The following WDR93 variants were observed in gnomAD, a reference collection of about 807,000 sequenced individuals.
WDR93 encodes the protein WD repeat-containing protein 93.
Under a neutral mutation model 82.9 loss-of-function variants are expected in WDR93, and 73 were observed. That is an observed-to-expected ratio of 0.88 (90% CI 0.73 to 1.07). The LOEUF (loss-of-function observed/expected upper bound fraction) is 1.07. Ranked by LOEUF, WDR93 falls within the 50% of genes least tolerant of loss-of-function variation. The pLI, the probability that WDR93 is intolerant of heterozygous loss-of-function variation, is 0.00. For synonymous variants in WDR93, 283 were observed against 300.1 expected (o/e 0.94, Z 0.59); for missense variants, 738 against 826.0 (o/e 0.89, Z 1.31).
At chr15:89,698,490 T>C (rs1216116204) in intron 1 of WDR93, among the ~76,000 whole-genome samples, 1 of 152,216 alleles carries the variant, frequency 6.6e-6, no homozygotes, top group East Asian at 1.9e-4. Flanking sequence ...GTCTGTTCCT[T>C]GTTCCCTTTT....
At chr15:89,704,313 A>C (rs1204368917) in intron 3 of WDR93, 1 of 152,150 alleles carries the variant, frequency 6.6e-6, no homozygotes, top group East Asian at 1.9e-4. Flanking sequence ...GGGTGACAGA[A>C]TGAGACTCCA....
chr15:89,692,349 A>G (rs56030351), intron 1 of WDR93, among the ~76,000 whole-genome samples: 26,211 of 152,084 alleles, frequency 0.17, 2,415 homozygotes, highest in Middle Eastern at 0.23. Context: ...CCTTGGCCCC[A>G]TGGGTTACTC....
chr15:89,724,062 C>T (rs974887655), intron 8 of WDR93, among the ~76,000 whole-genome samples: 1 of 151,966 alleles, frequency 6.6e-6, no homozygotes, highest in Non-Finnish European at 1.5e-5. Context: ...AATAGCTGGG[C>T]GTGATGGCGT....
At chr15:89,712,433 A>G (rs1291915910) in intron 5 of WDR93, among the ~76,000 whole-genome samples, 1 of 101,072 alleles carries the variant, frequency 9.9e-6, no homozygotes, top group African/African-American at 4.5e-5. Context: ...CCAAAGTTCA[A>G]TCTGGGATAC....
At position 89,727,227 on chromosome 15, in the gene WDR93, GAAT is replaced by G; in HGVS notation, c.952_954del (p.Asn318del). 6.2e-7 allele frequency: 1 copy of G among 1,614,192 alleles called. No homozygotes were observed. The highest frequency in any genetic ancestry group is 2.2e-5 in the East Asian group (1 of 44,888). On this transcript the variant is annotated inframe_deletion, in exon 9 of 17. Transcript: ENST00000268130. ...ACTGCTACGGACTGGGCTCCGGGCA[GAAT>G]CATTTCATCAAGGACAGTCAGTGGG...
At chr15:89,713,758 C>T (rs1966111058) in intron 5 of WDR93, among the ~76,000 whole-genome samples, 1 of 152,152 alleles carries the variant, frequency 6.6e-6, no homozygotes, top group Non-Finnish European at 1.5e-5. Context: ...CAGGCATGAG[C>T]CACCACGCCT....
intron 8 of WDR93, among the ~76,000 whole-genome samples, chr15:89,726,629 G>A (rs1188603907): frequency 6.6e-6 from 1 of 152,106 alleles, no homozygotes. Context: ...GGAAATGAAA[G>A]GTTATTGGGA....
intron 6 of WDR93, 150 bp from the exon 7 acceptor site, chr15:89,716,761 A>T: frequency 1.7e-6 from 1 of 600,752 alleles, no homozygotes; most frequent in Non-Finnish European, 3.0e-6. Context: ...TGCAGGCCAG[A>T]GGCCCACACA....
intron 16 of WDR93, among the ~76,000 whole-genome samples, chr15:89,739,482 C>A (rs1967484353): frequency 6.6e-6 from 1 of 152,220 alleles, no homozygotes. Flanking sequence ...ATCCTGCAAG[C>A]ACTGTTTTCT....
At chr15:89,731,097 C>T (rs1414544196) in intron 11 of WDR93, among the ~76,000 whole-genome samples, 1 of 152,196 alleles carries the variant, frequency 6.6e-6, no homozygotes, top group Non-Finnish European at 1.5e-5. Flanking sequence ...AGTCACTTCT[C>T]TGCCTCATCT....
intron 6 of WDR93, among the ~76,000 whole-genome samples, chr15:89,715,888 CTA>C (rs1276245048): frequency 1.3e-5 from 2 of 152,218 alleles, no homozygotes; most frequent in African/African-American, 2.4e-5. Context: ...CCGGCCTGTG[CTA>C]TGTTTTTAAG....
chr15:89,704,170 CAA>C (rs57077770), intron 3 of WDR93: 47,216 of 130,462 alleles, frequency 0.36, 8,049 homozygotes, highest in South Asian at 0.4. Context: ...ACGAAAAATA[CAA>C]AAAAAAAAAA....
chr15:89,717,045 C>CTTTTTTTTTTTTTTTTTTTTTTTTCT (rs11457156), intron 7 of WDR93, 96 bp downstream of exon 7: 1 of 160,494 alleles, frequency 6.2e-6, no homozygotes, highest in African/African-American at 6.4e-5. Flanking sequence ...CTTTTTCTTT[C>CTTTTTTTTTTTTTTTTTTTTTTTTCT]TTTTTTTTTT....
rs1226728536 is a variant in WDR93 at position 89,722,155 on chromosome 15, A to ATC, written c.880+23_880+24dup. ...CCTGTTACAGGTAAGTGTGATTCAAATCTCTCTCCTTTTGCCATTGATTTA... is the reference window on the plus strand; with the variant it reads ...CCTGTTACAGGTAAGTGTGATTCAAATCTCTCTCTCCTTTTGCCATTGATTTA... On this transcript the variant is annotated intron_variant, in intron 8 of 16. Coordinates refer to ENST00000268130, the MANE Select transcript of WDR93 (RefSeq NM_020212.2). 5 of 1,542,306 alleles carry ATC rather than the reference A, an allele frequency of 3.2e-6. No individual in the cohort carries two copies. Among genetic ancestry groups the ATC allele is most frequent in the Non-Finnish European group, 4.4e-6 (5 of 1,130,616 alleles).
At chr15:89,713,122 C>G (rs563242652) in intron 5 of WDR93, among the ~76,000 whole-genome samples, 1 of 116,174 alleles carries the variant, frequency 8.6e-6, no homozygotes, top group Admixed American at 9.4e-5. Context: ...GAAACTCCAT[C>G]TTAAAAAAAA....
At position 89,703,014 on chromosome 15, in the gene WDR93, G is replaced by T; in HGVS notation, c.368G>T (p.Gly123Val). 6.2e-7 allele frequency: 1 copy of T among 1,614,180 alleles called. No individual in the cohort carries two copies. The highest frequency in any genetic ancestry group is 8.5e-7 in the Non-Finnish European group (1 of 1,180,026). ...TATGTGTTTATTGGAGGAGCCAAAG[G>T]ATTCTCAATTTATAATCTGTACAGT... is the stretch of plus-strand genomic sequence containing the variant. ...QDYVFIGGAK[G>V]FSIYNLYSAK... Residue 123 changes from glycine to valine, a missense_variant, in exon 3 of 17, where the codon GGA becomes GTA. Coordinates refer to ENST00000268130, the MANE Select transcript of WDR93 (RefSeq NM_020212.2).
chr15:89,712,184 A>C, intron 5 of WDR93, 80 bp downstream of exon 5: 1 of 1,148,652 alleles, frequency 8.7e-7, no homozygotes, highest in East Asian at 2.6e-5. Context: ...GTCCCTCCAA[A>C]CCTTTTATTT....
intron 16 of WDR93, 117 bp from the exon 17 acceptor site, chr15:89,743,175 A>G: frequency 1.1e-6 from 1 of 942,328 alleles, no homozygotes; most frequent in African/African-American, 1.6e-5. Context: ...GAGGCGATGC[A>G]GGTGTGTCCT....
chr15:89,741,561 C>T (rs1967675243), intron 16 of WDR93, among the ~76,000 whole-genome samples: 1 of 152,164 alleles, frequency 6.6e-6, no homozygotes, highest in Non-Finnish European at 1.5e-5. Context: ...GGGAATTCTA[C>T]TTAGATTGGC....
Sources: allele counts gnomAD v4.1 joint callset (sites outside exome capture counted in the v4.1 genomes callset), GRCh38; gene constraint gnomAD v4.1.1; transcripts MANE v1.5; gene names NCBI Gene and HGNC (gene_info 2026-07-23, HGNC 2026-07-21).